Variants in SRPK2 observed in about 807,000 individuals in gnomAD.
SRPK2 encodes SRSF protein kinase 2, also known as SFRS protein kinase 2.
SRPK2 carries 21 observed loss-of-function variants against 90.8 expected under a neutral mutation model. The ratio of observed to expected loss-of-function variants is 0.23; its 90% CI spans 0.16 to 0.33. SRPK2 has a LOEUF of 0.33. Among genes scored for constraint, SRPK2 ranks in the 10% least tolerant of loss-of-function variants. The pLI is 1.00. For synonymous variants in SRPK2, 288 were observed against 311.1 expected (o/e 0.93, Z 0.78); for missense variants, 620 against 869.0 (o/e 0.71, Z 3.60).
chr7:105,204,430 C>T (rs2129610402), intron 2 of SRPK2, among the ~76,000 whole-genome samples: 1 of 152,268 alleles, frequency 6.6e-6, no homozygotes. Context: ...AGATTATTCC[C>T]TTTCAGGGCT....
At chr7:105,334,893 G>C (rs946625935) in intron 2 of SRPK2, among the ~76,000 whole-genome samples, 2 of 150,832 alleles carry the variant, frequency 1.3e-5, no homozygotes, top group Non-Finnish European at 2.9e-5. Context: ...TTATTGGCTG[G>C]GCGCAGTAGC....
chr7:105,267,491 A>C (rs1314143695), intron 2 of SRPK2, among the ~76,000 whole-genome samples: 1 of 152,158 alleles, frequency 6.6e-6, no homozygotes, highest in African/African-American at 2.4e-5. Flanking sequence ...TTCTCATCTC[A>C]GCAAACAGAA....
intron 11 of SRPK2, among the ~76,000 whole-genome samples, chr7:105,134,164 T>A (rs1177239272): frequency 1.3e-5 from 2 of 152,198 alleles, no homozygotes; most frequent in East Asian, 3.8e-4. Flanking sequence ...TAAACACTGA[T>A]ATGATTCGGG....
chr7:105,324,743 C>T lies in SRPK2; in HGVS notation c.71+63905G>A, dbSNP rs181765820. Reference sequence around the variant, plus strand: ...CTCTACTAAAAATACAAAAATTAGCCGAATGTGGTGGTGCACGCCTGCAAT... The same window carrying T: ...CTCTACTAAAAATACAAAAATTAGCTGAATGTGGTGGTGCACGCCTGCAAT... On this transcript the variant is annotated intron_variant, in intron 2 of 15. Transcript: ENST00000393651. Among the ~76,000 whole-genome samples the T allele has an allele frequency of 9.2e-4, 140 of 152,130 alleles. 1 individual carries two copies. The highest frequency in any genetic ancestry group is 3.3e-3 in the Admixed American group (51 of 15,278).
At position 105,176,715 on chromosome 7, in the gene SRPK2, G is replaced by A. The variant is rs199916453; in HGVS notation, c.230-7450C>T. 2.0e-3 allele frequency among the ~76,000 whole-genome samples: 214 copies of A among 107,042 alleles called. 2 individuals carry two copies. The highest frequency in any genetic ancestry group is 7.0e-3 in the African/African-American group (204 of 29,168). 70.2% of individuals were successfully genotyped at this position (107,042 alleles called of 152,430 possible). ...TACATATATATGTATGTGTATGTGT[G>A]TGTGTGTGTGTATGTATGTATGTAT... On this transcript the variant is annotated intron_variant, in intron 3 of 15. Transcript: ENST00000393651.
intron 2 of SRPK2, among the ~76,000 whole-genome samples, chr7:105,293,702 G>A (rs1277927497): frequency 6.6e-6 from 1 of 152,112 alleles, no homozygotes; most frequent in African/African-American, 2.4e-5. Context: ...TTACAGGCGT[G>A]AGCCACCATG....
chr7:105,265,112 C>CA (rs1804862431), intron 2 of SRPK2, among the ~76,000 whole-genome samples: 2 of 152,164 alleles, frequency 1.3e-5, no homozygotes, highest in South Asian at 4.1e-4. Flanking sequence ...ACAACACACA[C>CA]ACCCCTTCCC....
intron 3 of SRPK2, among the ~76,000 whole-genome samples, chr7:105,197,450 G>T (rs1261169329): frequency 1.3e-5 from 2 of 152,218 alleles, no homozygotes; most frequent in Non-Finnish European, 2.9e-5. Flanking sequence ...TGATCTGCCA[G>T]TCAGCATGCC....
intron 13 of SRPK2, among the ~76,000 whole-genome samples, chr7:105,127,382 G>GA (rs1801357206): frequency 6.6e-6 from 1 of 152,178 alleles, no homozygotes. Flanking sequence ...ATGGTAGAAC[G>GA]AGAGTTCAAC....
chr7:105,266,689 G>A (rs1805126808), intron 2 of SRPK2, among the ~76,000 whole-genome samples: 1 of 151,966 alleles, frequency 6.6e-6, no homozygotes. Context: ...AATGTAGCTG[G>A]ACTGGTGAAC....
chr7:105,265,804 G>A (rs1804984626), intron 2 of SRPK2, among the ~76,000 whole-genome samples: 1 of 152,066 alleles, frequency 6.6e-6, no homozygotes, highest in African/African-American at 2.4e-5. Flanking sequence ...GTACTGTCTT[G>A]CAGCAAATAT....
chr7:105,331,337 A>AAAAAAAAAAAAAAAAAAAAAAAAAAAAC (rs1554512429), intron 2 of SRPK2, among the ~76,000 whole-genome samples: 2 of 141,828 alleles, frequency 1.4e-5, no homozygotes, highest in Non-Finnish European at 3.1e-5. Context: ...AAAAAAAAAA[A>AAAAAAAAAAAAAAAAAAAAAAAAAAAAC]CAAATAGTTA....
At chr7:105,135,712 G>A (rs188601346) in intron 11 of SRPK2, among the ~76,000 whole-genome samples, 1 of 151,832 alleles carries the variant, frequency 6.6e-6, no homozygotes, top group Non-Finnish European at 1.5e-5. Flanking sequence ...ATTCAATCAC[G>A]CTAGAAGAAA....
chr7:105,224,733 G>A (rs1339956566), intron 2 of SRPK2, among the ~76,000 whole-genome samples: 1 of 152,080 alleles, frequency 6.6e-6, no homozygotes, highest in Non-Finnish European at 1.5e-5. Flanking sequence ...AAAACACTTA[G>A]AATTCTAAAT....
intron 2 of SRPK2, among the ~76,000 whole-genome samples, chr7:105,331,688 C>T (rs1814429547): frequency 6.6e-6 from 1 of 152,096 alleles, no homozygotes; most frequent in South Asian, 2.1e-4. Context: ...CCTCACAGAA[C>T]TGAAATCTAC....
intron 2 of SRPK2, among the ~76,000 whole-genome samples, chr7:105,313,566 A>G (rs577928333): frequency 2.6e-5 from 4 of 152,178 alleles, no homozygotes; most frequent in South Asian, 4.1e-4. Flanking sequence ...CCTGGGTAAC[A>G]CAGTGAAACC....
At chr7:105,292,611 A>G (rs956792122) in intron 2 of SRPK2, among the ~76,000 whole-genome samples, 1 of 151,866 alleles carries the variant, frequency 6.6e-6, no homozygotes, top group African/African-American at 2.4e-5. Flanking sequence ...AACGCACCTG[A>G]AGATCTGCTA....
chr7:105,260,895 C>A lies in SRPK2; in HGVS notation c.72-57110G>T, dbSNP rs537563744. Among the ~76,000 whole-genome samples, 4 of 134,870 alleles carry A rather than the reference C, an allele frequency of 3.0e-5. No individual in the cohort carries two copies. In the East Asian group the frequency reaches 6.7e-4, roughly 23 times the overall value. The allele number at this position is 134,870 out of a possible 152,430, so 88.5% of individuals were successfully genotyped here. A position where few individuals can be genotyped will look rare whatever the true frequency, so the allele number is the denominator to read the frequency against. On this transcript the variant is annotated intron_variant, in intron 2 of 15. Coordinates refer to ENST00000393651, the MANE Select transcript of SRPK2 (RefSeq NM_182692.3). The stretch of plus-strand genomic sequence containing the variant: ...CTGGAGCCTATTGGGGGGTGGGGGA[C>A]TGGGGGAGGGACAGCATTAGCAGAA...
At chr7:105,361,159 A>G (rs1418771018) in intron 2 of SRPK2, among the ~76,000 whole-genome samples, 4 of 152,180 alleles carry the variant, frequency 2.6e-5, no homozygotes, top group Non-Finnish European at 5.9e-5. Flanking sequence ...AATCACAAGC[A>G]TTCTTATACA....
Sources: allele counts gnomAD v4.1 joint callset (sites outside exome capture counted in the v4.1 genomes callset), GRCh38; gene constraint gnomAD v4.1.1; transcripts MANE v1.5; gene names NCBI Gene and HGNC (gene_info 2026-07-23, HGNC 2026-07-21).